Variants in USH2A observed in about 807,000 individuals in gnomAD.
USH2A encodes the protein usherin.
In USH2A, 443 loss-of-function variants were observed where a neutral mutation model predicts 538.9. The ratio of observed to expected loss-of-function variants is 0.82; its 90% CI spans 0.76 to 0.89. The LOEUF (loss-of-function observed/expected upper bound fraction) is 0.89. USH2A is among the 40% of genes least tolerant of loss of function. The pLI is 0.00. For synonymous variants in USH2A, 2,413 were observed against 2,273.5 expected (o/e 1.06, Z -1.75); for missense variants, 6,633 against 6,324.8 (o/e 1.05, Z -1.65).
At chr1:215,630,796 T>C (rs1490209713) in intron 70 of USH2A, among the ~76,000 whole-genome samples, 1 of 150,708 alleles carries the variant, frequency 6.6e-6, no homozygotes, top group Non-Finnish European at 1.5e-5. Flanking sequence ...GAGGTTGCAG[T>C]GAGTCGAGAT....
At chr1:215,771,614 A>AAAAAAAAAAAAAAAAAAAAAAAAAAAC (rs1661290689) in intron 55 of USH2A, among the ~76,000 whole-genome samples, 1 of 140,452 alleles carries the variant, frequency 7.1e-6, no homozygotes, top group Non-Finnish European at 1.6e-5. Flanking sequence ...AAAAAAAAAA[A>AAAAAAAAAAAAAAAAAAAAAAAAAAAC]AAAAAAAAAA....
chr1:215,646,680 C>A (rs775676225), intron 67 of USH2A, among the ~76,000 whole-genome samples: 34 of 152,090 alleles, frequency 2.2e-4, no homozygotes, highest in South Asian at 2.1e-3. Flanking sequence ...GTATGTGTCA[C>A]CATGCCTGGC....
Position 215,998,993 on chromosome 1 carries a change from G to T in USH2A, c.6551C>A (p.Thr2184Lys). 2 of 1,612,650 alleles carry T rather than the reference G, an allele frequency of 1.2e-6. No individual in the cohort carries two copies. Among genetic ancestry groups the T allele is most frequent in the African/African-American group, 1.3e-5 (1 of 74,966 alleles). ...GACACTCCAAATTGTAAAATCATGT[G>T]TATGGTTTGACATATATAATACATA... ...ERYVLYMSNH[T>K]HDFTIWSVIY... The change falls in exon 34 of 72, where the codon ACA becomes AAA. Residue 2184 changes from threonine to lysine, a missense_variant. Thr to Lys is a moderately conservative substitution (Grantham distance 78, BLOSUM62 -1). Transcript: ENST00000307340.
Position 215,674,270 on chromosome 1 carries a change from C to A in USH2A, c.13641G>T (p.Glu4547Asp). Residue 4547 changes from glutamate to aspartate, a missense_variant, in exon 63 of 72, where the codon GAG becomes GAT. Glu to Asp is a conservative substitution (Grantham distance 45). Coordinates refer to ENST00000307340, the MANE Select transcript of USH2A (RefSeq NM_206933.4). ...PPKLQARGPQEILVNWDPPVR... is the reference protein window; with the variant it reads ...PPKLQARGPQDILVNWDPPVR... ...CTGGAGGGTCCCAGTTCACTAAGAT[C>A]TCCTGAGGACCCCTGGCCTGCAATT... The A allele has an allele frequency of 6.2e-7, 1 of 1,614,146 alleles. No homozygotes were observed. Among genetic ancestry groups the A allele is most frequent in the East Asian group, 2.2e-5 (1 of 44,870 alleles).
intron 23 of USH2A, among the ~76,000 whole-genome samples, chr1:216,087,103 C>A (rs188931155): frequency 1.3e-5 from 2 of 152,136 alleles, no homozygotes; most frequent in African/African-American, 4.8e-5. Context: ...GGTTCCAGTA[C>A]GAACTGCCAG....
At chr1:215,821,571 CTT>C (rs1239788822) in intron 47 of USH2A, among the ~76,000 whole-genome samples, 1 of 151,770 alleles carries the variant, frequency 6.6e-6, no homozygotes, top group African/African-American at 2.4e-5. Context: ...TGTCTATTCA[CTT>C]TGTTGATTGT....
chr1:215,797,884 C>T (rs910676678), intron 50 of USH2A, among the ~76,000 whole-genome samples: 5 of 152,036 alleles, frequency 3.3e-5, no homozygotes, highest in African/African-American at 1.2e-4. Flanking sequence ...AAGGCTATAG[C>T]TGCCATAGAT....
chr1:216,327,856 C>T lies in USH2A; in HGVS notation c.785-202G>A, dbSNP rs377174728. Among the ~76,000 whole-genome samples, 206 of 152,270 alleles carry T rather than the reference C, an allele frequency of 1.4e-3. 1 individual carries two copies. The highest frequency in any genetic ancestry group is 4.7e-3 in the African/African-American group (194 of 41,574). ...ATAATCATAGTTATCTCCATGGACACTGTAGGACTTAAGTCAAAGTGAATA... is the reference window on the plus strand; with the variant it reads ...ATAATCATAGTTATCTCCATGGACATTGTAGGACTTAAGTCAAAGTGAATA... On this transcript the variant is annotated intron_variant, in intron 4 of 71. Coordinates refer to ENST00000307340, the MANE Select transcript of USH2A (RefSeq NM_206933.4).
At chr1:215,849,475 A>G (rs1663960737) in intron 44 of USH2A, among the ~76,000 whole-genome samples, 1 of 152,200 alleles carries the variant, frequency 6.6e-6, no homozygotes, top group Non-Finnish European at 1.5e-5. Context: ...AATTAACAGG[A>G]AAATGACAAG....
At chr1:215,925,930 T>C (rs1666226676) in intron 38 of USH2A, among the ~76,000 whole-genome samples, 1 of 152,126 alleles carries the variant, frequency 6.6e-6, no homozygotes, top group African/African-American at 2.4e-5. Context: ...CATCTTGACA[T>C]TGTACTAAGT....
Position 215,696,334 on chromosome 1 carries a change from A to G in USH2A, c.12067-15958T>C, listed in dbSNP as rs145380489. On this transcript the variant is annotated intron_variant, in intron 61 of 71. Transcript: ENST00000307340. ...CTGTCTTAGGAGTGGCAGAGGCAGA[A>G]GAAAAGCTATGGGTAAGTGGACCTG... Among the ~76,000 whole-genome samples the G allele has an allele frequency of 3.6e-3, 552 of 152,280 alleles. 2 individuals are homozygous for G. The highest frequency in any genetic ancestry group is 6.3e-3 in the Admixed American group (97 of 15,290).
chr1:216,088,219 C>T (rs1437530834), intron 23 of USH2A, among the ~76,000 whole-genome samples: 2 of 152,038 alleles, frequency 1.3e-5, no homozygotes, highest in Non-Finnish European at 2.9e-5. Flanking sequence ...GCTCAAATGT[C>T]ACCTCATCAG....
chr1:216,389,880 G>A (rs996665095), intron 3 of USH2A, among the ~76,000 whole-genome samples: 2 of 152,022 alleles, frequency 1.3e-5, no homozygotes, highest in African/African-American at 2.4e-5. Context: ...ATATAGCCAT[G>A]CATTTCTACT....
At chr1:216,064,225 T>C (rs1031129697) in intron 30 of USH2A, among the ~76,000 whole-genome samples, 1 of 152,222 alleles carries the variant, frequency 6.6e-6, no homozygotes. Flanking sequence ...TATTTTCCAA[T>C]CTGCTTATTC....
rs646094 is a variant in USH2A at position 216,198,592 on chromosome 1, A to C, written c.3812-8T>G. 360,899 of 1,608,604 alleles carry C rather than the reference A, an allele frequency of 0.22. 41,222 individuals carry two copies. Among genetic ancestry groups the C allele is most frequent in the Non-Finnish European group, 0.23 (276,034 of 1,177,516 alleles). ...CATATCTTATAATTATTCCTAGAGA[A>C]ATTAAATAGTGAACCTACGTAACTC... On this transcript the variant is annotated splice_region_variant and splice_polypyrimidine_tract_variant and intron_variant, in intron 17 of 71. Transcript: ENST00000307340.
intron 9 of USH2A, among the ~76,000 whole-genome samples, chr1:216,313,818 T>C (rs1489566365): frequency 6.6e-6 from 1 of 152,184 alleles, no homozygotes; most frequent in African/African-American, 2.4e-5. Context: ...GGTTGCCTTC[T>C]CTCTGCATTT....
intron 43 of USH2A, 48 bp downstream of exon 43, chr1:215,877,710 C>A: frequency 1.2e-6 from 2 of 1,611,382 alleles, no homozygotes; most frequent in Non-Finnish European, 8.5e-7. Flanking sequence ...ATTCAACATG[C>A]CCAGAACTAA....
At chr1:216,261,404 C>A (rs1571633487) in intron 11 of USH2A, among the ~76,000 whole-genome samples, 2 of 145,292 alleles carry the variant, frequency 1.4e-5, no homozygotes, top group African/African-American at 2.6e-5. Flanking sequence ...TGTTAGAGCC[C>A]AGGAGTTTGA....
intron 14 of USH2A, among the ~76,000 whole-genome samples, chr1:216,229,028 G>T (rs2035621188): frequency 6.6e-6 from 1 of 151,882 alleles, no homozygotes; most frequent in South Asian, 2.1e-4. Context: ...AAAAAAATTA[G>T]CCAGGCATGG....
Sources: gnomAD v4.1 joint callset for allele counts (sites outside exome capture counted in the v4.1 genomes callset) on GRCh38, gnomAD v4.1.1 for gene constraint, MANE v1.5 for transcripts, NCBI Gene and HGNC (gene_info 2026-07-23, HGNC 2026-07-21) for gene names.